The following OR1L8 variants were observed in gnomAD, a reference collection of about 807,000 sequenced individuals.
The protein encoded by OR1L8 is olfactory receptor 1L8.
For synonymous variants in OR1L8, 148 were observed against 147.0 expected, an observed-to-expected ratio of 1.01 and a Z score of -0.05; for missense variants, 330 against 377.4, an observed-to-expected ratio of 0.87 and a Z score of 1.04.
the OR1L8 span, chr9:122,554,216 T>A: frequency 7.3e-7 from 1 of 1,366,306 alleles, no homozygotes; most frequent in East Asian, 2.3e-5. Context: ...CTGTCTTCCA[T>A]CACTTCAGTA....
At chr9:122,550,924 GA>G in the OR1L8 span, among the ~76,000 whole-genome samples, 129 of 142,406 alleles carry the variant, frequency 9.1e-4, no homozygotes, top group Admixed American at 1.0e-3. Context: ...AACAATCAGG[GA>G]AAAAAAAAAA....
chr9:122,577,703 ACT>A, intron 2 of OR1L8, among the ~76,000 whole-genome samples: 1 of 152,352 alleles, frequency 6.6e-6, no homozygotes, highest in South Asian at 2.1e-4. Context: ...TATCACAATA[ACT>A]CTGTAGAGAA....
chr9:122,556,609 A>T, the OR1L8 span, among the ~76,000 whole-genome samples: 2 of 152,132 alleles, frequency 1.3e-5, no homozygotes, highest in East Asian at 3.9e-4. Flanking sequence ...AGGTGCAGCA[A>T]ACCACCATGG....
the OR1L8 span, chr9:122,554,056 T>C: frequency 3.1e-6 from 5 of 1,613,770 alleles, no homozygotes; most frequent in East Asian, 2.2e-5. Context: ...GTTCTCTATA[T>C]GGTGATTATT....
downstream of OR1L8, among the ~76,000 whole-genome samples, chr9:122,563,476 C>A (rs779994308): frequency 1.3e-4 from 19 of 151,866 alleles, no homozygotes; most frequent in Non-Finnish European, 7.4e-5. Context: ...TTGTTGTTAT[C>A]GAGACATTTG....
chr9:122,580,734 G>T (rs1295466795), intron 1 of OR1L8, among the ~76,000 whole-genome samples: 5 of 152,174 alleles, frequency 3.3e-5, no homozygotes, highest in African/African-American at 1.2e-4. Context: ...AATTAAAAGT[G>T]TGATAAGACT....
At chr9:122,555,759 T>C in the OR1L8 span, among the ~76,000 whole-genome samples, 2 of 152,196 alleles carry the variant, frequency 1.3e-5, no homozygotes, top group African/African-American at 4.8e-5. Context: ...TTTTGGTTTA[T>C]AGAAAAATTG....
intron 1 of OR1L8, among the ~76,000 whole-genome samples, chr9:122,580,283 T>C (rs1829723648): frequency 6.6e-6 from 1 of 152,176 alleles, no homozygotes; most frequent in African/African-American, 2.4e-5. Context: ...AACTAATTCA[T>C]ATTGAGGACT....
At chr9:122,575,634 A>G (rs1829639790) in intron 3 of OR1L8, among the ~76,000 whole-genome samples, 1 of 152,164 alleles carries the variant, frequency 6.6e-6, no homozygotes. Context: ...TTTAAAAACT[A>G]AATTTTATTG....
the OR1L8 span, among the ~76,000 whole-genome samples, chr9:122,555,621 T>A: frequency 5.9e-5 from 9 of 152,334 alleles, no homozygotes; most frequent in South Asian, 1.9e-3. Flanking sequence ...GATATCTACC[T>A]CAAGGAATTG....
chr9:122,579,247 T>C (rs1021946811), intron 1 of OR1L8, among the ~76,000 whole-genome samples: 7 of 152,004 alleles, frequency 4.6e-5, no homozygotes, highest in African/African-American at 1.7e-4. Flanking sequence ...TCTTAATAAT[T>C]ATAAATTTAA....
intron 4 of OR1L8, among the ~76,000 whole-genome samples, chr9:122,572,278 A>G (rs565901892): frequency 2.0e-5 from 3 of 152,346 alleles, no homozygotes; most frequent in African/African-American, 7.2e-5. Flanking sequence ...TCCAAACCAT[A>G]TCAAATAGCA....
At chr9:122,559,573 G>T in the OR1L8 span, among the ~76,000 whole-genome samples, 41,443 of 151,954 alleles carry the variant, frequency 0.27, 5,819 homozygotes, top group Middle Eastern at 0.34. Context: ...TGCCTTAATT[G>T]CATTATTTAC....
rs1564200294 is a variant in OR1L8 at position 122,568,418 on chromosome 9, G to A, written c.60C>T (p.Ser20=). The change falls in exon 5 of 5, where the codon TCC becomes TCT. Residue 20 remains serine, a synonymous_variant. Transcript: ENST00000641027. The part of the protein sequence containing the change: ...VSEFILLGLS[S]RPEDQKTLFV... ...AGAGTGTCTTTTGGTCCTCAGGCCGGGAGGAGAGTCCCAGGAGGATAAACT... is the reference window on the plus strand; with the variant it reads ...AGAGTGTCTTTTGGTCCTCAGGCCGAGAGGAGAGTCCCAGGAGGATAAACT... 1 of 1,613,222 alleles carries A rather than the reference G, an allele frequency of 6.2e-7. No individual in the cohort carries two copies. The highest frequency in any genetic ancestry group is 8.5e-7 in the Non-Finnish European group (1 of 1,179,334).
chr9:122,580,995 GTCTC>G (rs1034576092), intron 1 of OR1L8, among the ~76,000 whole-genome samples: 2 of 152,090 alleles, frequency 1.3e-5, no homozygotes, highest in African/African-American at 2.4e-5. Flanking sequence ...AATACTCAGT[GTCTC>G]TCTAAGGCCA....
At chr9:122,561,608 G>A in the OR1L8 span, among the ~76,000 whole-genome samples, 1 of 152,028 alleles carries the variant, frequency 6.6e-6, no homozygotes, top group Non-Finnish European at 1.5e-5. Context: ...GGGCTGCTGT[G>A]GTTTGCTGGG....
At chr9:122,553,815 A>G in the OR1L8 span, 1 of 1,613,968 alleles carries the variant, frequency 6.2e-7, no homozygotes, top group East Asian at 2.2e-5. Flanking sequence ...CGAGCTGATG[A>G]TCATCACCAT....
chr9:122,549,547 G>A, the OR1L8 span, among the ~76,000 whole-genome samples: 1 of 152,074 alleles, frequency 6.6e-6, no homozygotes, highest in African/African-American at 2.4e-5. Flanking sequence ...TATATGGTGA[G>A]AAATATGGGT....
the OR1L8 span, among the ~76,000 whole-genome samples, chr9:122,557,185 T>A: frequency 6.6e-6 from 1 of 152,160 alleles, no homozygotes; most frequent in Non-Finnish European, 1.5e-5. Context: ...AAAGACAGTT[T>A]TATTTATTCC....
Sources: allele counts gnomAD v4.1 joint callset (sites outside exome capture counted in the v4.1 genomes callset), GRCh38; gene constraint gnomAD v4.1.1; transcripts MANE v1.5; gene names NCBI Gene and HGNC (gene_info 2026-07-23, HGNC 2026-07-21).